The following ANO10 variants were observed in gnomAD, a reference collection of about 807,000 sequenced individuals.
The protein encoded by ANO10 is anoctamin 10.
A neutral mutation model predicts 74.7 loss-of-function variants in ANO10; 77 were observed. The ratio of observed to expected loss-of-function variants is 1.03; its 90% CI spans 0.86 to 1.25. The LOEUF (loss-of-function observed/expected upper bound fraction) is 1.25, where lower values mean the gene tolerates loss of function less well. Ranked by LOEUF, ANO10 falls within the 50% of genes most tolerant of loss-of-function variation. The pLI is 0.00. For missense variants in ANO10, 721 were observed against 778.1 expected, an observed-to-expected ratio of 0.93 and a Z score of 0.87; for synonymous variants, 279 against 284.9, an observed-to-expected ratio of 0.98 and a Z score of 0.21.
intron 4 of ANO10, among the ~76,000 whole-genome samples, chr3:43,586,023 A>G (rs1339246224): frequency 6.6e-6 from 1 of 152,214 alleles, no homozygotes; most frequent in East Asian, 1.9e-4. Context: ...GGCCTGGAAA[A>G]TCAGCCCTGG....
At chr3:43,579,684 A>G (rs961951473) in intron 5 of ANO10, among the ~76,000 whole-genome samples, 1 of 152,182 alleles carries the variant, frequency 6.6e-6, no homozygotes, top group Non-Finnish European at 1.5e-5. Flanking sequence ...GTACCATTGC[A>G]CTCTAGCCTG....
intron 12 of ANO10, among the ~76,000 whole-genome samples, chr3:43,396,484 G>A (rs2092384105): frequency 1.3e-5 from 2 of 150,746 alleles, no homozygotes; most frequent in Admixed American, 1.3e-4. Flanking sequence ...GACTACAGGC[G>A]CCTGCCACCA....
chr3:43,517,866 G>A (rs1053811333), intron 11 of ANO10, among the ~76,000 whole-genome samples: 2 of 152,150 alleles, frequency 1.3e-5, no homozygotes, highest in Non-Finnish European at 2.9e-5. Flanking sequence ...GCATCAAACT[G>A]CCTTAGGAGT....
intron 12 of ANO10, among the ~76,000 whole-genome samples, chr3:43,395,339 T>C (rs989128616): frequency 2.0e-5 from 3 of 152,254 alleles, no homozygotes; most frequent in Non-Finnish European, 2.9e-5. Flanking sequence ...ACTTTAGGAA[T>C]TGTAGCTGAG....
At chr3:43,430,053 T>C (rs1159569508) in intron 12 of ANO10, among the ~76,000 whole-genome samples, 1 of 152,176 alleles carries the variant, frequency 6.6e-6, no homozygotes, top group African/African-American at 2.4e-5. Context: ...CATAATCCAA[T>C]AGAACATGCG....
intron 11 of ANO10, among the ~76,000 whole-genome samples, chr3:43,503,875 A>G (rs2077186532): frequency 6.6e-6 from 1 of 152,138 alleles, no homozygotes; most frequent in South Asian, 2.1e-4. Flanking sequence ...GAAGGCTGAG[A>G]GAGGATTTTT....
At position 43,582,247 on chromosome 3, in the gene ANO10, C is replaced by G. The variant is rs542692245; in HGVS notation, c.473-1775G>C. Among the ~76,000 whole-genome samples, 15 of 152,118 alleles carry G rather than the reference C, an allele frequency of 9.9e-5. No homozygotes were observed. The South Asian group carries it at 2.9e-3, about 30-fold the overall frequency. On this transcript the variant is annotated intron_variant, in intron 4 of 12. Transcript: ENST00000292246. ...CGGGTGGATCACAAGGTCAGGAGATCGAGACCATCCTGCCGAACACCGTGA... is the reference window on the plus strand; with the variant it reads ...CGGGTGGATCACAAGGTCAGGAGATGGAGACCATCCTGCCGAACACCGTGA...
chr3:43,594,409 G>C (rs920415234), intron 4 of ANO10, among the ~76,000 whole-genome samples: 2 of 152,106 alleles, frequency 1.3e-5, no homozygotes, highest in African/African-American at 4.8e-5. Flanking sequence ...ATAAAAAACT[G>C]TCTCTCAGAC....
chr3:43,534,914 C>A (rs2149259194), intron 11 of ANO10, among the ~76,000 whole-genome samples: 1 of 152,202 alleles, frequency 6.6e-6, no homozygotes, highest in East Asian at 1.9e-4. Flanking sequence ...GAATGTAAAT[C>A]AACTGTGTCA....
rs1454420831 is a variant in ANO10 at position 43,551,373 on chromosome 3, G to T, written c.1669-1525C>A. The T allele has an allele frequency of 1.4e-5, 5 of 352,140 alleles. No individual in the cohort carries two copies. In the Admixed American group the frequency reaches 1.5e-4, roughly 10 times the overall value. The allele number at this position is 352,140 out of a possible 1,614,324, so 21.8% of individuals were successfully genotyped here. A position where few individuals can be genotyped will look rare whatever the true frequency, so the allele number is the denominator to read the frequency against. On this transcript the variant is annotated intron_variant, in intron 10 of 12. Coordinates refer to ENST00000292246, the MANE Select transcript of ANO10 (RefSeq NM_018075.5). Reference sequence around the variant, plus strand: ...AATATGTTTGTAACTAAACTTTCAGGTTTTTTTTAAAATCACCTATATTGA... The same window carrying T: ...AATATGTTTGTAACTAAACTTTCAGTTTTTTTTTAAAATCACCTATATTGA...
chr3:43,525,195 C>T (rs770719222), intron 11 of ANO10, among the ~76,000 whole-genome samples: 24 of 152,084 alleles, frequency 1.6e-4, no homozygotes, highest in Non-Finnish European at 2.8e-4. Flanking sequence ...GCCTCTGTGT[C>T]CTCTCTAGCC....
chr3:43,603,861 T>G (rs57345822), intron 2 of ANO10, among the ~76,000 whole-genome samples: 1,685 of 152,310 alleles, frequency 0.011, 29 homozygotes, highest in African/African-American at 0.038. Flanking sequence ...CTACAAGGTG[T>G]GAATCTTGTT....
intron 9 of ANO10, among the ~76,000 whole-genome samples, chr3:43,560,990 C>T (rs1037109118): frequency 2.0e-5 from 3 of 152,186 alleles, no homozygotes; most frequent in Non-Finnish European, 2.9e-5. Flanking sequence ...TGTAATTCTC[C>T]AAATTTGCCC....
intron 1 of ANO10, among the ~76,000 whole-genome samples, chr3:43,676,738 GTAT>G (rs903045138): frequency 2.8e-4 from 43 of 152,214 alleles, no homozygotes; most frequent in African/African-American, 1.0e-3. Flanking sequence ...GGAGCTCTCT[GTAT>G]TATTCTTACA....
At chr3:43,478,418 A>G (rs777475176) in intron 11 of ANO10, among the ~76,000 whole-genome samples, 4 of 152,224 alleles carry the variant, frequency 2.6e-5, no homozygotes, top group Non-Finnish European at 4.4e-5. Flanking sequence ...TTTATAGATT[A>G]AGAAATTAAG....
chr3:43,526,957 G>T (rs1420928548), intron 11 of ANO10, among the ~76,000 whole-genome samples: 4 of 151,944 alleles, frequency 2.6e-5, no homozygotes, highest in Non-Finnish European at 5.9e-5. Context: ...ACATATGTGT[G>T]TGTATACATA....
chr3:43,617,095 T>C (rs1438994810), intron 1 of ANO10, among the ~76,000 whole-genome samples: 2 of 150,488 alleles, frequency 1.3e-5, no homozygotes, highest in Non-Finnish European at 2.9e-5. Flanking sequence ...AGCCTTGGCC[T>C]AAACTGAGTT....
intron 1 of ANO10, among the ~76,000 whole-genome samples, chr3:43,679,869 A>C (rs540134000): frequency 1.6e-4 from 25 of 152,364 alleles, no homozygotes; most frequent in African/African-American, 4.3e-4. Flanking sequence ...ACAGACCTGC[A>C]GCTGAGGGTC....
At chr3:43,371,308 G>A (rs1343444776) in intron 12 of ANO10, among the ~76,000 whole-genome samples, 1 of 152,118 alleles carries the variant, frequency 6.6e-6, no homozygotes, top group Non-Finnish European at 1.5e-5. Flanking sequence ...TGCAGTGGCT[G>A]GGATACAGCC....
Sources: gnomAD v4.1 joint callset for allele counts (sites outside exome capture counted in the v4.1 genomes callset) on GRCh38, gnomAD v4.1.1 for gene constraint, MANE v1.5 for transcripts, NCBI Gene and HGNC (gene_info 2026-07-23, HGNC 2026-07-21) for gene names.